Variants in GSE1 observed in about 807,000 individuals in gnomAD.
GSE1 encodes Gse1 coiled-coil protein, also known as genetic suppressor element 1.
A neutral mutation model predicts 112.6 loss-of-function variants in GSE1; 32 were observed. The ratio of observed to expected loss-of-function variants is 0.28; its 90% CI spans 0.21 to 0.38. The LOEUF (loss-of-function observed/expected upper bound fraction) is 0.38. Ranked by LOEUF, GSE1 falls within the 10% of genes least tolerant of loss-of-function variation. GSE1 has a pLI of 1.00. For missense variants in GSE1, 2,348 were observed against 1,699.2 expected, an observed-to-expected ratio of 1.38 and a Z score of -6.71; for synonymous variants, 1,115 against 735.6, an observed-to-expected ratio of 1.52 and a Z score of -8.35.
intron 1 of GSE1, among the ~76,000 whole-genome samples, chr16:85,251,887 C>T (rs1271917563): frequency 1.3e-5 from 2 of 152,170 alleles, no homozygotes; most frequent in South Asian, 2.1e-4. Flanking sequence ...CAAGTAGGTC[C>T]CTGCTGTGTG....
chr16:85,448,851 C>T (rs2151797579), intron 2 of GSE1, among the ~76,000 whole-genome samples: 1 of 152,336 alleles, frequency 6.6e-6, no homozygotes, highest in African/African-American at 2.4e-5. Context: ...CCAGGGCCTC[C>T]TGGAGAAATC....
intron 1 of GSE1, among the ~76,000 whole-genome samples, chr16:85,616,054 C>T (rs1312598351): frequency 1.3e-5 from 2 of 152,228 alleles, no homozygotes; most frequent in Non-Finnish European, 2.9e-5. Context: ...CTTGTGGTTT[C>T]AGAGCAGAAG....
rs1363894499 is a variant in GSE1, at chr16:85,193,990, C to T, written c.2283+22183C>T. Among the ~76,000 whole-genome samples the T allele has an allele frequency of 2.6e-5, 4 of 152,224 alleles. No homozygotes were observed. The South Asian group carries it at 6.2e-4, about 24-fold the overall frequency. ...GTGTGCGCGCGCGTGTTTGTGTGTG[C>T]GTACATCTGTGTGTAGCCTGCTTCA... On this transcript the variant is annotated intron_variant, in intron 1 of 2. Transcript: ENST00000637419.
intron 1 of GSE1, among the ~76,000 whole-genome samples, chr16:85,248,232 G>T (rs187601482): frequency 6.6e-6 from 1 of 152,228 alleles, no homozygotes; most frequent in South Asian, 2.1e-4. Context: ...TGCCTACTCC[G>T]CCTCGGCCTC....
chr16:85,308,098 G>A (rs1773352775), intron 1 of GSE1, among the ~76,000 whole-genome samples: 1 of 152,188 alleles, frequency 6.6e-6, no homozygotes, highest in African/African-American at 2.4e-5. Flanking sequence ...GGAGGGACTT[G>A]GTCATGGACT....
chr16:85,268,224 C>T (rs1908452022), intron 1 of GSE1, among the ~76,000 whole-genome samples: 1 of 65,496 alleles, frequency 1.5e-5, no homozygotes. Flanking sequence ...CTGGTACTGG[C>T]ACAAGGTGTG....
rs71389139 is a variant in GSE1 at position 85,654,640 on chromosome 16, C to T, written c.600-154C>T. Among the ~76,000 whole-genome samples, 1,397 of 152,200 alleles carry T rather than the reference C, an allele frequency of 9.2e-3. 13 individuals are homozygous for T. Among genetic ancestry groups the T allele is most frequent in the Non-Finnish European group, 0.011 (779 of 67,976 alleles). ...ACTGAGGTGGCAGTGGCAGCTCGCTCCCCCCGCTGCTTAAGCCCCGTCCTC... is the reference window on the plus strand; with the variant it reads ...ACTGAGGTGGCAGTGGCAGCTCGCTTCCCCCGCTGCTTAAGCCCCGTCCTC... On this transcript the variant is annotated intron_variant, in intron 4 of 15. Transcript: ENST00000253458.
At chr16:85,305,635 A>G (rs1376908971) in intron 1 of GSE1, among the ~76,000 whole-genome samples, 2 of 151,872 alleles carry the variant, frequency 1.3e-5, no homozygotes, top group Non-Finnish European at 2.9e-5. Flanking sequence ...GGCATGCACC[A>G]CCATGCCTGG....
At chr16:85,232,732 G>A (rs952849762) in intron 1 of GSE1, among the ~76,000 whole-genome samples, 1 of 152,226 alleles carries the variant, frequency 6.6e-6, no homozygotes, top group Non-Finnish European at 1.5e-5. Flanking sequence ...TGCCCAGAGC[G>A]CCAGCTCCAA....
intron 1 of GSE1, among the ~76,000 whole-genome samples, chr16:85,223,584 C>T (rs1313943533): frequency 6.6e-6 from 1 of 151,872 alleles, no homozygotes; most frequent in Non-Finnish European, 1.5e-5. Flanking sequence ...CCACTGTAAC[C>T]ATTTTATTTT....
chr16:85,573,704 G>A lies in GSE1; in HGVS notation c.37+17341G>A, dbSNP rs746047405. ...GCAACACCCAGCCATCACAGTGGGC[G>A]CGTCCGGAGGGGGAGCCGGCAGGCG... On this transcript the variant is annotated intron_variant, in intron 1 of 2. Coordinates refer to the GSE1 transcript ENST00000635906. 2.6e-5 allele frequency among the ~76,000 whole-genome samples: 4 copies of A among 152,130 alleles called. No homozygotes were observed. In the South Asian group the frequency reaches 8.3e-4, roughly 32 times the overall value.
intron 2 of GSE1, among the ~76,000 whole-genome samples, chr16:85,538,772 G>A (rs921576526): frequency 2.6e-5 from 4 of 152,276 alleles, no homozygotes; most frequent in Admixed American, 6.5e-5. Context: ...CCCCACTGCC[G>A]CTCTCTGGAC....
At chr16:85,515,025 G>C (rs1257854571) in intron 2 of GSE1, among the ~76,000 whole-genome samples, 1 of 152,212 alleles carries the variant, frequency 6.6e-6, no homozygotes, top group South Asian at 2.1e-4. Flanking sequence ...GTGAATATCT[G>C]TGTGGGTGGA....
chr16:85,544,489 G>A (rs1252611713), intron 2 of GSE1, among the ~76,000 whole-genome samples: 1 of 152,190 alleles, frequency 6.6e-6, no homozygotes, highest in Non-Finnish European at 1.5e-5. Flanking sequence ...GGCTGGGGCT[G>A]ACTCCAGATT....
At chr16:85,305,439 A>G (rs1431401700) in intron 1 of GSE1, among the ~76,000 whole-genome samples, 1 of 150,376 alleles carries the variant, frequency 6.6e-6, no homozygotes, top group Non-Finnish European at 1.5e-5. Context: ...CATGAGCCAC[A>G]TGCCCAGCCA....
chr16:85,672,546 C>T lies in GSE1; in HGVS notation c.*7C>T. 6.3e-7 allele frequency: 1 copy of T among 1,595,782 alleles called. No individual in the cohort carries two copies. The highest frequency in any genetic ancestry group is 1.1e-5 in the South Asian group (1 of 90,004). On this transcript the variant is annotated 3_prime_UTR_variant, in exon 16 of 16. Coordinates refer to ENST00000253458, the MANE Select transcript of GSE1 (RefSeq NM_014615.5). ...GAAGGGATATCCCAGGTGACGGTTT[C>T]CCTTGCACTAGGCCGAACCTATAGT...
intron 1 of GSE1, among the ~76,000 whole-genome samples, chr16:85,265,268 A>C (rs927639525): frequency 3.3e-5 from 5 of 152,286 alleles, no homozygotes; most frequent in Non-Finnish European, 5.9e-5. Context: ...AGAGCTTGTC[A>C]CCAATCCTGA....
chr16:85,618,495 T>C (rs987947554), intron 1 of GSE1, among the ~76,000 whole-genome samples: 2 of 152,224 alleles, frequency 1.3e-5, no homozygotes, highest in Admixed American at 6.5e-5. Context: ...GCTTAGCCTG[T>C]GTGACCTCAG....
chr16:85,304,598 G>GGGT (rs2045616586), intron 1 of GSE1, among the ~76,000 whole-genome samples: 1 of 108,420 alleles, frequency 9.2e-6, no homozygotes, highest in African/African-American at 3.6e-5. Context: ...GCCAAGCCGG[G>GGGT]GGCGGGGGGG....
Sources: allele counts gnomAD v4.1 joint callset (sites outside exome capture counted in the v4.1 genomes callset), GRCh38; gene constraint gnomAD v4.1.1; transcripts MANE v1.5; gene names NCBI Gene and HGNC (gene_info 2026-07-23, HGNC 2026-07-21).